The following DPP10 variants were observed in gnomAD, a reference collection of about 807,000 sequenced individuals.
DPP10 encodes dipeptidyl peptidase like 10, also known as inactive dipeptidyl peptidase 10.
In DPP10, 33 loss-of-function variants were observed where a neutral mutation model predicts 120.9. The ratio of observed to expected loss-of-function variants is 0.27; its 90% CI spans 0.21 to 0.37. The LOEUF is 0.37. Ranked by LOEUF, DPP10 falls within the 10% of genes least tolerant of loss-of-function variation. The pLI, the probability that DPP10 is intolerant of heterozygous loss-of-function variation, is 1.00. For missense variants in DPP10, 816 were observed against 942.8 expected, an observed-to-expected ratio of 0.87 and a Z score of 1.76; for synonymous variants, 337 against 326.1, an observed-to-expected ratio of 1.03 and a Z score of -0.36.
intron 4 of DPP10, among the ~76,000 whole-genome samples, chr2:115,509,240 C>T (rs992950236): frequency 1.3e-5 from 2 of 151,972 alleles, no homozygotes; most frequent in African/African-American, 4.8e-5. Flanking sequence ...AGATTATAAG[C>T]AAATGGACTT....
intron 5 of DPP10, among the ~76,000 whole-genome samples, chr2:115,665,875 C>A (rs2089412724): frequency 6.6e-6 from 1 of 151,610 alleles, no homozygotes; most frequent in African/African-American, 2.4e-5. Flanking sequence ...TCCAGCATTT[C>A]TTTTTTTTAA....
chr2:114,749,497 A>G (rs1678978858), intron 1 of DPP10, among the ~76,000 whole-genome samples: 1 of 152,064 alleles, frequency 6.6e-6, no homozygotes, highest in Non-Finnish European at 1.5e-5. Context: ...ATGGTTAAAA[A>G]TTATTAGATT....
intron 1 of DPP10, among the ~76,000 whole-genome samples, chr2:114,849,578 C>G (rs1688793878): frequency 6.6e-6 from 1 of 152,094 alleles, no homozygotes; most frequent in South Asian, 2.1e-4. Flanking sequence ...CCAGCCTGAG[C>G]AAGACTCAAG....
chr2:115,832,325 C>CA (rs1689008557), intron 21 of DPP10, among the ~76,000 whole-genome samples: 8 of 152,046 alleles, frequency 5.3e-5, no homozygotes, highest in Admixed American at 5.2e-4. Context: ...CCTATCTGTA[C>CA]AAATAAATAC....
intron 5 of DPP10, among the ~76,000 whole-genome samples, chr2:115,679,930 A>C (rs896800311): frequency 6.6e-6 from 1 of 151,946 alleles, no homozygotes; most frequent in African/African-American, 2.4e-5. Context: ...ATTCTATACT[A>C]CCTCGGGCAA....
chr2:115,832,340 A>C (rs1329638351), intron 21 of DPP10, among the ~76,000 whole-genome samples: 3 of 152,114 alleles, frequency 2.0e-5, no homozygotes, highest in Non-Finnish European at 2.9e-5. Flanking sequence ...AAATACAAAA[A>C]TTAGCTGGGC....
At chr2:115,168,289 T>G (rs1420931305) in intron 1 of DPP10, among the ~76,000 whole-genome samples, 1 of 152,216 alleles carries the variant, frequency 6.6e-6, no homozygotes, top group Admixed American at 6.5e-5. Context: ...AGTTCATGTA[T>G]GACTAACATT....
chr2:115,832,059 T>C (rs1327527139), intron 21 of DPP10, among the ~76,000 whole-genome samples: 1 of 152,204 alleles, frequency 6.6e-6, no homozygotes, highest in Non-Finnish European at 1.5e-5. Flanking sequence ...TTGAAAGCGT[T>C]CTTATATCTA....
At chr2:115,770,623 C>T (rs1681346517) in intron 13 of DPP10, among the ~76,000 whole-genome samples, 1 of 152,094 alleles carries the variant, frequency 6.6e-6, no homozygotes, top group Admixed American at 6.6e-5. Flanking sequence ...CACACACAAA[C>T]ACAATCACAT....
chr2:114,550,568 C>T (rs556624805), intron 1 of DPP10, among the ~76,000 whole-genome samples: 2 of 152,322 alleles, frequency 1.3e-5, no homozygotes, highest in South Asian at 4.1e-4. Flanking sequence ...TCAGACCCTT[C>T]CTCACCTCTG....
chr2:114,661,091 T>C (rs1697365006), intron 1 of DPP10, among the ~76,000 whole-genome samples: 1 of 152,214 alleles, frequency 6.6e-6, no homozygotes, highest in Admixed American at 6.5e-5. Context: ...TTATAGTTTC[T>C]GGAGAATTCT....
At chr2:114,966,202 G>A (rs1447305350) in intron 1 of DPP10, among the ~76,000 whole-genome samples, 2 of 152,052 alleles carry the variant, frequency 1.3e-5, no homozygotes, top group Non-Finnish European at 2.9e-5. Flanking sequence ...GAATGAGGAT[G>A]ACCACTTACC....
intron 5 of DPP10, among the ~76,000 whole-genome samples, chr2:115,673,904 A>G (rs1011349252): frequency 6.6e-6 from 1 of 152,170 alleles, no homozygotes; most frequent in Non-Finnish European, 1.5e-5. Flanking sequence ...AGAACGTCAG[A>G]GTACACTTTA....
chr2:115,450,492 C>T (rs1284921177), intron 3 of DPP10, among the ~76,000 whole-genome samples: 1 of 151,738 alleles, frequency 6.6e-6, no homozygotes, highest in Non-Finnish European at 1.5e-5. Flanking sequence ...TGATTTGAAA[C>T]ACAGTGAATA....
intron 1 of DPP10, among the ~76,000 whole-genome samples, chr2:114,974,975 A>G (rs892008486): frequency 6.6e-6 from 1 of 152,092 alleles, no homozygotes; most frequent in African/African-American, 2.4e-5. Context: ...AAACTCTTGT[A>G]GAATTCATGT....
intron 13 of DPP10, among the ~76,000 whole-genome samples, chr2:115,776,843 G>A (rs1682161043): frequency 1.6e-5 from 2 of 127,780 alleles, no homozygotes; most frequent in Admixed American, 1.8e-4. Context: ...ATTTATTGGA[G>A]TAAAGTTTGT....
At chr2:115,367,291 A>G (rs547007059) in intron 3 of DPP10, among the ~76,000 whole-genome samples, 3 of 151,966 alleles carry the variant, frequency 2.0e-5, no homozygotes, top group Non-Finnish European at 4.4e-5. Context: ...CTTTTTGGCA[A>G]CATAGCCTGG....
rs2050123255 is a variant in DPP10, at chr2:115,127,187, A to C, written c.61-182052A>C. On this transcript the variant is annotated intron_variant, in intron 1 of 25. Coordinates refer to ENST00000410059, the MANE Select transcript of DPP10 (RefSeq NM_020868.6). ...TTGTATTTTGTTTTATTTTGTGGGC[A>C]TCTGTAAGAACTAGAGAAAAACTGT... Among the ~76,000 whole-genome samples the C allele has an allele frequency of 2.6e-5, 4 of 152,356 alleles. No individual in the cohort carries two copies. The South Asian group carries it at 8.3e-4, about 32-fold the overall frequency.
At chr2:115,353,321 G>C (rs2064157886) in intron 3 of DPP10, among the ~76,000 whole-genome samples, 1 of 152,084 alleles carries the variant, frequency 6.6e-6, no homozygotes, top group Non-Finnish European at 1.5e-5. Context: ...TTAACGGTAA[G>C]GAAAATGCTG....
Sources: allele counts gnomAD v4.1 joint callset (sites outside exome capture counted in the v4.1 genomes callset), GRCh38; gene constraint gnomAD v4.1.1; transcripts MANE v1.5; gene names NCBI Gene and HGNC (gene_info 2026-07-23, HGNC 2026-07-21).